The following CERS3 variants were observed in gnomAD, a reference collection of about 807,000 sequenced individuals.
CERS3 encodes the protein ceramide synthase 3.
A neutral mutation model predicts 50.3 loss-of-function variants in CERS3; 33 were observed. That is an observed-to-expected ratio of 0.66 (90% CI 0.50 to 0.88). The LOEUF is 0.88. CERS3 is among the 40% of genes least tolerant of loss of function. CERS3 has a pLI of 0.00. For missense variants in CERS3, 470 were observed against 460.3 expected (o/e 1.02, Z -0.19); for synonymous variants, 176 against 155.2 (o/e 1.13, Z -0.99).
intron 11 of CERS3, among the ~76,000 whole-genome samples, chr15:100,415,324 G>A (rs2031815308): frequency 1.4e-5 from 2 of 144,546 alleles, no homozygotes; most frequent in African/African-American, 2.9e-5. Context: ...TACTGTTATT[G>A]GGAATGCAAA....
chr15:100,432,685 G>A (rs2033194238), intron 11 of CERS3, among the ~76,000 whole-genome samples: 2 of 152,182 alleles, frequency 1.3e-5, no homozygotes, highest in South Asian at 2.1e-4. Context: ...GATGAGGTAG[G>A]TGAAAAGACT....
intron 11 of CERS3, among the ~76,000 whole-genome samples, chr15:100,426,539 A>G (rs2587830): frequency 0.28 from 41,942 of 152,174 alleles, 5,976 homozygotes; most frequent in East Asian, 0.42. Flanking sequence ...GAGTAGGAAT[A>G]TACTGGAATA....
intron 11 of CERS3, among the ~76,000 whole-genome samples, chr15:100,427,920 A>G (rs2032917110): frequency 6.6e-6 from 1 of 152,190 alleles, no homozygotes. Flanking sequence ...TCAGGTGGTG[A>G]AAAAAGCAAT....
chr15:100,452,432 G>A (rs556921543), intron 11 of CERS3, among the ~76,000 whole-genome samples: 34 of 152,118 alleles, frequency 2.2e-4, no homozygotes, highest in African/African-American at 7.9e-4. Context: ...AATTAAGAGG[G>A]AAATCAAAAC....
rs907848082 is a variant in CERS3 at position 100,491,091 on chromosome 15, A to G, written c.174-160T>C. 2.9e-4 allele frequency among the ~76,000 whole-genome samples: 44 copies of G among 152,096 alleles called. 2 individuals carry two copies. The highest frequency in any genetic ancestry group is 2.9e-5 in the Non-Finnish European group (2 of 68,010). On this transcript the variant is annotated intron_variant, in intron 3 of 11. Coordinates refer to ENST00000679737, the MANE Select transcript of CERS3 (RefSeq NM_001378789.1). ...GCCAAAATCTGTCTCTCAAAACAGAAAAGTTTCAGTCCATACAAAAAAGCA... is the reference window on the plus strand; with the variant it reads ...GCCAAAATCTGTCTCTCAAAACAGAGAAGTTTCAGTCCATACAAAAAAGCA...
chr15:100,501,757 G>A lies in CERS3; in HGVS notation c.93C>T (p.Leu31=), dbSNP rs371892429. Residue 31 remains leucine (L), a synonymous_variant, in exon 3 of 12, where the codon CTC becomes CTT. Coordinates refer to ENST00000679737, the MANE Select transcript of CERS3 (RefSeq NM_001378789.1). ...ATAAATGAGAAGGTTTTACAAAGACGAGTCCATCGTGATCCTCAAGATCTG... is the reference window on the plus strand; with the variant it reads ...ATAAATGAGAAGGTTTTACAAAGACAAGTCCATCGTGATCCTCAAGATCTG... ...KWSDLEDHDG[L]VFVKPSHLYV... The A allele has an allele frequency of 1.1e-5, 17 of 1,613,784 alleles. No individual in the cohort carries two copies. The highest frequency in any genetic ancestry group is 4.0e-5 in the African/African-American group (3 of 74,930).
chr15:100,419,272 G>T (rs2032212874), intron 11 of CERS3, among the ~76,000 whole-genome samples: 2 of 107,938 alleles, frequency 1.9e-5, no homozygotes, highest in East Asian at 2.6e-4. Context: ...AAAAGGCAGG[G>T]GTTGCAATCC....
intron 5 of CERS3, among the ~76,000 whole-genome samples, chr15:100,481,905 G>A (rs186146916): frequency 6.6e-6 from 1 of 152,230 alleles, no homozygotes; most frequent in Admixed American, 6.5e-5. Flanking sequence ...TTTTTTTCCT[G>A]TCATTCTCTC....
intron 11 of CERS3, among the ~76,000 whole-genome samples, chr15:100,452,202 T>G (rs1273571129): frequency 1.3e-5 from 2 of 152,084 alleles, no homozygotes; most frequent in Non-Finnish European, 2.9e-5. Flanking sequence ...TGGGACATTC[T>G]CCAGGATAGA....
chr15:100,417,663 G>T (rs2032050486), intron 11 of CERS3, among the ~76,000 whole-genome samples: 1 of 152,058 alleles, frequency 6.6e-6, no homozygotes, highest in Non-Finnish European at 1.5e-5. Flanking sequence ...AGTAACCTCT[G>T]CAGACTTAAA....
intron 3 of CERS3, among the ~76,000 whole-genome samples, chr15:100,501,145 C>G (rs1234221187): frequency 6.6e-6 from 1 of 152,146 alleles, no homozygotes. Flanking sequence ...TAGTTTTTCT[C>G]TTTGATTTCC....
Position 100,469,277 on chromosome 15 carries a change from G to T in CERS3, c.845+101C>A. The T allele has an allele frequency of 5.3e-6, 4 of 761,662 alleles. No homozygotes were observed. In the South Asian group the frequency reaches 7.1e-5, roughly 14 times the overall value. The allele number at this position is 761,662 out of a possible 1,614,324, so 47.2% of individuals were successfully genotyped here. A position where few individuals can be genotyped will look rare whatever the true frequency, so the allele number is the denominator to read the frequency against. On this transcript the variant is annotated intron_variant, in intron 10 of 11. Coordinates refer to ENST00000679737, the MANE Select transcript of CERS3 (RefSeq NM_001378789.1). Reference sequence around the variant, plus strand: ...CCAACTGCACTTGACACAAATAACTGGAGACCCACGTATGGAAAGGGCAAT... The same window carrying T: ...CCAACTGCACTTGACACAAATAACTTGAGACCCACGTATGGAAAGGGCAAT...
intron 2 of CERS3, among the ~76,000 whole-genome samples, chr15:100,510,462 G>A (rs930688119): frequency 1.3e-5 from 2 of 152,124 alleles, no homozygotes; most frequent in East Asian, 3.8e-4. Flanking sequence ...GAATATTTGT[G>A]ACAAAAATAT....
chr15:100,474,186 CA>C (rs2035054854), intron 8 of CERS3, among the ~76,000 whole-genome samples: 1 of 152,086 alleles, frequency 6.6e-6, no homozygotes, highest in Non-Finnish European at 1.5e-5. Flanking sequence ...TGGGATGACA[CA>C]AATGTTCTAA....
chr15:100,410,559 C>A (rs980754413), intron 11 of CERS3, among the ~76,000 whole-genome samples: 4 of 152,184 alleles, frequency 2.6e-5, no homozygotes, highest in Admixed American at 2.6e-4. Flanking sequence ...AGACGAACTG[C>A]CTCACATTCC....
intron 7 of CERS3, among the ~76,000 whole-genome samples, chr15:100,476,477 T>TA (rs1489176581): frequency 1.3e-5 from 2 of 152,172 alleles, no homozygotes; most frequent in Non-Finnish European, 2.9e-5. Context: ...TTTAAATTTT[T>TA]AAAAAAATTA....
intron 11 of CERS3, among the ~76,000 whole-genome samples, chr15:100,410,084 A>G (rs565045825): frequency 6.6e-6 from 1 of 152,318 alleles, no homozygotes; most frequent in South Asian, 2.1e-4. Flanking sequence ...AACTTTCTCC[A>G]AAAACAACCT....
intron 9 of CERS3, 141 bp downstream of exon 9, chr15:100,472,783 C>T: frequency 1.1e-6 from 1 of 930,506 alleles, no homozygotes; most frequent in East Asian, 2.5e-5. Flanking sequence ...CTTGGAGGAT[C>T]TGGGAATCTA....
chr15:100,474,469 A>G (rs2035062892), intron 8 of CERS3, among the ~76,000 whole-genome samples: 1 of 151,432 alleles, frequency 6.6e-6, no homozygotes, highest in South Asian at 2.1e-4. Context: ...CAGTGGTGCG[A>G]TCTTGGCTCA....
Sources: allele counts gnomAD v4.1 joint callset (sites outside exome capture counted in the v4.1 genomes callset), GRCh38; gene constraint gnomAD v4.1.1; transcripts MANE v1.5; gene names NCBI Gene and HGNC (gene_info 2026-07-23, HGNC 2026-07-21).